The following NEDD9 variants were observed in gnomAD, a reference collection of about 807,000 sequenced individuals.
NEDD9 encodes the protein neural precursor cell expressed, developmentally down-regulated 9.
A neutral mutation model predicts 76.6 loss-of-function variants in NEDD9; 26 were observed. That is an observed-to-expected ratio of 0.34 (90% CI 0.25 to 0.47). The LOEUF (loss-of-function observed/expected upper bound fraction) is 0.47. Among genes scored for constraint, NEDD9 ranks in the 20% least tolerant of loss-of-function variants. NEDD9 has a pLI of 1.00. For synonymous variants in NEDD9, 392 were observed against 414.2 expected (o/e 0.95, Z 0.65); for missense variants, 937 against 1,058.5 (o/e 0.89, Z 1.59).
At chr6:11,343,192 G>A (rs1762306564) in intron 1 of NEDD9, among the ~76,000 whole-genome samples, 2 of 152,130 alleles carry the variant, frequency 1.3e-5, no homozygotes, top group African/African-American at 2.4e-5. Flanking sequence ...CACTTTGGGA[G>A]GCTGAGGCGG....
At chr6:11,316,395 C>T (rs895553030) in intron 2 of NEDD9, among the ~76,000 whole-genome samples, 1 of 152,172 alleles carries the variant, frequency 6.6e-6, no homozygotes, top group African/African-American at 2.4e-5. Flanking sequence ...TACTCTCACT[C>T]CCACGTCTGA....
chr6:11,335,448 G>C (rs554988223), intron 1 of NEDD9, among the ~76,000 whole-genome samples: 37 of 152,344 alleles, frequency 2.4e-4, no homozygotes, highest in African/African-American at 8.4e-4. Flanking sequence ...AGTGGCTGCA[G>C]CTGGCATTGG....
In NEDD9 at chr6:11,213,795, C is replaced by T. The variant is rs79890756; in HGVS notation, c.13-68G>A. The stretch of plus-strand genomic sequence containing the variant: ...GTCGGTCCCTTTATCACCTAAGGCC[C>T]GTGCTCTTATGGAAAGGCACACTTC... On this transcript the variant is annotated intron_variant, in intron 1 of 6. Coordinates refer to ENST00000379446, the MANE Select transcript of NEDD9 (RefSeq NM_006403.4). The surrounding 1 kb of genome is among the most constrained non-coding windows in gnomAD (Gnocchi z 5.4). 40 of 1,427,924 alleles carry T rather than the reference C, an allele frequency of 2.8e-5. No individual in the cohort carries two copies. The highest frequency in any genetic ancestry group is 7.1e-5 in the African/African-American group (5 of 70,422). The allele number at this position is 1,427,924 out of a possible 1,614,324, so 88.5% of individuals were successfully genotyped here. A position where few individuals can be genotyped will look rare whatever the true frequency, so the allele number is the denominator to read the frequency against.
At chr6:11,260,120 C>G (rs1011647019) in intron 3 of NEDD9, among the ~76,000 whole-genome samples, 5 of 152,144 alleles carry the variant, frequency 3.3e-5, no homozygotes, top group African/African-American at 9.7e-5. Flanking sequence ...CTGGTAGTCA[C>G]TTACATTATA....
At chr6:11,378,764 T>C (rs1763010502) in intron 1 of NEDD9, among the ~76,000 whole-genome samples, 1 of 152,218 alleles carries the variant, frequency 6.6e-6, no homozygotes, top group African/African-American at 2.4e-5. Flanking sequence ...TTATCATTCA[T>C]TGACCTCTAG....
rs1206659148 is a variant in NEDD9, at chr6:11,190,846, C to G, written c.1023G>C (p.Arg341Ser). The change falls in exon 5 of 7, where the codon AGG (arginine) becomes AGC (serine). Residue 341 changes from arginine (R) to serine (S), a missense_variant. Arg to Ser is a moderately radical substitution (Grantham distance 110). Transcript: ENST00000379446. This position sits in a 1 kb window ranked among gnomAD's most constrained non-coding sequence, Gnocchi z 5.8. ...GCAGAGGGACATCATAAACACCATC[C>G]CTTTCCTGGGGGTTTGCTTTCTCAC... ...ETSEKANPQERDGVYDVPLHN... is the reference protein window; with the variant it reads ...ETSEKANPQESDGVYDVPLHN... 1.9e-5 allele frequency: 31 copies of G among 1,614,118 alleles called. No individual in the cohort carries two copies. The highest frequency in any genetic ancestry group is 2.3e-5 in the Non-Finnish European group (27 of 1,180,030).
In NEDD9 at chr6:11,183,592, A is replaced by T. The variant is rs1757906336; in HGVS notation, c.*1570T>A. The T allele has an allele frequency of 6.6e-6, 1 of 152,184 alleles. No homozygotes were observed. The highest frequency in any genetic ancestry group is 2.4e-5 in the African/African-American group (1 of 41,450). 9.4% of individuals were successfully genotyped at this position (152,184 alleles called of 1,614,324 possible). A position where few individuals can be genotyped will look rare whatever the true frequency, so the allele number is the denominator to read the frequency against. Reference sequence around the variant, plus strand: ...TCTTTTGGCAGAGTAGGACTTTGAGAATTATAATAGCAGTTGTTTTGAAAA... The same window carrying T: ...TCTTTTGGCAGAGTAGGACTTTGAGTATTATAATAGCAGTTGTTTTGAAAA... On this transcript the variant is annotated 3_prime_UTR_variant, in exon 7 of 7. Transcript: ENST00000379446.
At chr6:11,313,261 G>A (rs1160044372) in intron 2 of NEDD9, among the ~76,000 whole-genome samples, 1 of 151,906 alleles carries the variant, frequency 6.6e-6, no homozygotes, top group African/African-American at 2.4e-5. Flanking sequence ...GTGGGTGGAT[G>A]GATGGATGGA....
intron 2 of NEDD9, among the ~76,000 whole-genome samples, chr6:11,311,035 C>T (rs1761351273): frequency 6.6e-6 from 1 of 152,118 alleles, no homozygotes; most frequent in Admixed American, 6.5e-5. Context: ...GACTTTTCTC[C>T]ATATATGACC....
chr6:11,209,121 C>T (rs1009028737), intron 2 of NEDD9, among the ~76,000 whole-genome samples: 5 of 151,952 alleles, frequency 3.3e-5, no homozygotes, highest in Admixed American at 2.0e-4. Context: ...AGTTATAAGC[C>T]CTAAATAAAA....
chr6:11,305,405 C>T (rs1761155910), intron 3 of NEDD9: 1 of 258,604 alleles, frequency 3.9e-6, no homozygotes, highest in Non-Finnish European at 7.7e-6. Context: ...TGCCACTATG[C>T]CATGCGATGA....
intron 1 of NEDD9, among the ~76,000 whole-genome samples, chr6:11,380,842 T>C (rs756824817): frequency 2.0e-5 from 3 of 152,096 alleles, no homozygotes; most frequent in Non-Finnish European, 4.4e-5. Context: ...AGGATCTCAC[T>C]CTGTCACCCA....
chr6:11,267,915 A>AACTG (rs1760230116), intron 3 of NEDD9, among the ~76,000 whole-genome samples: 1 of 152,232 alleles, frequency 6.6e-6, no homozygotes, highest in Non-Finnish European at 1.5e-5. Context: ...GGGGGCACCA[A>AACTG]ACTGACCCTC....
chr6:11,305,818 T>C (rs1027821401), intron 3 of NEDD9: 5 of 731,498 alleles, frequency 6.8e-6, no homozygotes, highest in African/African-American at 5.3e-5. Flanking sequence ...ATGTAAAAAA[T>C]TCACCTAACA....
chr6:11,203,167 C>T (rs1443053234), intron 2 of NEDD9, among the ~76,000 whole-genome samples: 1 of 152,196 alleles, frequency 6.6e-6, no homozygotes, highest in African/African-American at 2.4e-5. Flanking sequence ...CTGGGTTTCA[C>T]GAGTGGTTGA....
Position 11,190,626 on chromosome 6 carries a change from G to T in NEDD9, c.1243C>A (p.Arg415=), listed in dbSNP as rs61755989. The T allele has an allele frequency of 6.8e-6, 11 of 1,614,122 alleles. No homozygotes were observed. Among genetic ancestry groups the T allele is most frequent in the African/African-American group, 2.7e-5 (2 of 75,012 alleles). The change falls in exon 5 of 7, where the codon CGG becomes AGG. Residue 415 remains arginine, a synonymous_variant. Coordinates refer to ENST00000379446, the MANE Select transcript of NEDD9 (RefSeq NM_006403.4). The surrounding 1 kb of genome is among the most constrained non-coding windows in gnomAD (Gnocchi z 5.8). ...CCCATCTCAAGGGCCTGCTGGAGCC[G>T]CTGAAGTCTCTCAATAGCTGTGTCT... ...DPDTAIERLQ[R]LQQALEMGVS... is the part of the protein sequence containing the mutation.
intron 3 of NEDD9, among the ~76,000 whole-genome samples, chr6:11,291,271 T>G (rs1303228208): frequency 5.8e-5 from 8 of 137,560 alleles, no homozygotes; most frequent in East Asian, 2.1e-4. Flanking sequence ...AATGAGGTTT[T>G]TTTTTTTTTT....
chr6:11,285,018 A>G (rs575357846), intron 3 of NEDD9, among the ~76,000 whole-genome samples: 310 of 152,288 alleles, frequency 2.0e-3, no homozygotes, highest in African/African-American at 6.6e-3. Context: ...TAAGTGGTGC[A>G]GCTGGGATTT....
rs1199838615 is a variant in NEDD9 at position 11,193,243 on chromosome 6, G to A, written c.561+348C>T. On this transcript the variant is annotated intron_variant, in intron 3 of 6. Coordinates refer to ENST00000379446, the MANE Select transcript of NEDD9 (RefSeq NM_006403.4). ...GGAGAGTTGCTTGAGCCTGGGAGGT[G>A]GAGGTTGCAGTGAGCTGAGATAGAG... 3.3e-5 allele frequency among the ~76,000 whole-genome samples: 5 copies of A among 150,234 alleles called. No homozygotes were observed. In the East Asian group the frequency reaches 9.9e-4, roughly 30 times the overall value.
Sources: allele counts gnomAD v4.1 joint callset (sites outside exome capture counted in the v4.1 genomes callset), GRCh38; gene constraint gnomAD v4.1.1; non-coding constraint Gnocchi (gnomAD v3.1); transcripts MANE v1.5; gene names NCBI Gene and HGNC (gene_info 2026-07-23, HGNC 2026-07-21).